MON2: variants seen among roughly 807,000 people sequenced by gnomAD.
MON2 encodes MON2 regulator of endosome-to-Golgi trafficking.
In MON2, 84 loss-of-function variants were observed where a neutral mutation model predicts 208.6. The ratio of observed to expected loss-of-function variants is 0.40; its 90% confidence interval spans 0.34 to 0.48. The LOEUF (loss-of-function observed/expected upper bound fraction) is 0.48. Ranked by LOEUF, MON2 falls within the 20% of genes least tolerant of loss-of-function variation. The pLI, the probability that MON2 is intolerant of heterozygous loss-of-function variation, is 0.59. For synonymous variants in MON2, 660 were observed against 694.0 expected (o/e 0.95, Z 0.77); for missense variants, 1,611 against 2,015.4 (o/e 0.80, Z 3.84).
In MON2 at chr12:62,534,827, A is replaced by T. The variant is rs754608910; in HGVS notation, c.1634-18A>T. 5.1e-6 allele frequency: 8 copies of T among 1,572,268 alleles called. No individual in the cohort carries two copies. Among genetic ancestry groups the T allele is most frequent in the Middle Eastern group, 1.7e-4 (1 of 6,002 alleles). On this transcript the variant is annotated intron_variant, in intron 12 of 34. Coordinates refer to ENST00000393630, the MANE Select transcript of MON2 (RefSeq NM_015026.3). The stretch of plus-strand genomic sequence containing the variant: ...ATCTATAATTAAAATTAAATATTGT[A>T]TGTTTTTTTCCTTTAAGTTAGTAGG...
chr12:62,572,581 G>A (rs568482075), intron 30 of MON2, among the ~76,000 whole-genome samples: 3 of 152,178 alleles, frequency 2.0e-5, no homozygotes, highest in South Asian at 2.1e-4. Flanking sequence ...GAGTAGCTGG[G>A]ACCACAAGTG....
At chr12:62,564,996 T>C (rs2074327058) in intron 26 of MON2, 1 of 352,544 alleles carries the variant, frequency 2.8e-6, no homozygotes. Flanking sequence ...CCTTTTTCTA[T>C]TCTTTTAAGA....
chr12:62,582,753 C>T (rs913500080), intron 32 of MON2, among the ~76,000 whole-genome samples: 1 of 151,142 alleles, frequency 6.6e-6, no homozygotes, highest in Non-Finnish European at 1.5e-5. Flanking sequence ...TTTCCTTAAA[C>T]ATATACATAC....
chr12:62,530,208 T>G (rs1046886508), intron 11 of MON2, among the ~76,000 whole-genome samples: 5 of 151,822 alleles, frequency 3.3e-5, no homozygotes, highest in African/African-American at 1.2e-4. Flanking sequence ...TCCACTTTTT[T>G]AGCTCCCACA....
chr12:62,585,249 A>G (rs1377909191), intron 32 of MON2, 45 bp from the exon 33 acceptor site: 2 of 1,452,762 alleles, frequency 1.4e-6, no homozygotes, highest in Non-Finnish European at 9.6e-7. Flanking sequence ...ATTAAAGCTC[A>G]TTGATTTAAC....
chr12:62,484,315 A>G, intron 2 of MON2, 82 bp downstream of exon 2: 1 of 880,670 alleles, frequency 1.1e-6, no homozygotes, highest in Non-Finnish European at 1.8e-6. Flanking sequence ...AAAAGCCATC[A>G]GTTTTCTGTA....
chr12:62,507,777 A>G (rs1485137126), intron 7 of MON2, among the ~76,000 whole-genome samples: 3 of 152,066 alleles, frequency 2.0e-5, no homozygotes, highest in African/African-American at 7.2e-5. Context: ...GATTATGATT[A>G]TGATTATTTG....
chr12:62,576,855 A>G (rs1290405796), intron 30 of MON2, among the ~76,000 whole-genome samples: 1 of 151,742 alleles, frequency 6.6e-6, no homozygotes, highest in East Asian at 1.9e-4. Context: ...CTGATATATG[A>G]TCCAAATAAT....
chr12:62,595,324 T>C lies in MON2; in HGVS notation c.*2575T>C, dbSNP rs2075504842. 1 of 152,106 alleles carries C rather than the reference T, an allele frequency of 6.6e-6. No individual in the cohort carries two copies. Among genetic ancestry groups the C allele is most frequent in the Non-Finnish European group, 1.5e-5 (1 of 68,020 alleles). 9.4% of individuals were successfully genotyped at this position (152,106 alleles called of 1,614,324 possible). A position where few individuals can be genotyped will look rare whatever the true frequency, so the allele number is the denominator to read the frequency against. On this transcript the variant is annotated 3_prime_UTR_variant, in exon 35 of 35. Transcript: ENST00000393630. ...GCCAGGCTAATTTTTTTAATATTTT[T>C]AGTAGAGATGGGGTTTCACCATTTT... is the stretch of plus-strand genomic sequence containing the variant.
At chr12:62,500,160 A>T (rs1469912164) in intron 5 of MON2, among the ~76,000 whole-genome samples, 1 of 152,212 alleles carries the variant, frequency 6.6e-6, no homozygotes. Flanking sequence ...CTAATCTGCC[A>T]TTTAATACTT....
rs1274376665 is a variant in MON2 at position 62,543,418 on chromosome 12, T to C, written c.2466+220T>C. Among the ~76,000 whole-genome samples the C allele has an allele frequency of 2.0e-5, 3 of 152,154 alleles. No homozygotes were observed. The East Asian group carries it at 5.8e-4, about 29-fold the overall frequency. ...TTTTATTGGCTGAAAATGGGTGACA[T>C]TTTAAAGTGAGAAATATCAGTGAAG... On this transcript the variant is annotated intron_variant, in intron 20 of 34. Coordinates refer to ENST00000393630, the MANE Select transcript of MON2 (RefSeq NM_015026.3).
At chr12:62,545,105 G>A (rs2073424839) in intron 21 of MON2, 97 bp downstream of exon 21, 1 of 717,520 alleles carries the variant, frequency 1.4e-6, no homozygotes, top group African/African-American at 1.8e-5. Context: ...TATTCTAAGA[G>A]TAGGGTTTTT....
At chr12:62,520,392 A>T (rs1181147010) in intron 8 of MON2, among the ~76,000 whole-genome samples, 5 of 151,542 alleles carry the variant, frequency 3.3e-5, no homozygotes, top group African/African-American at 4.9e-5. Context: ...TATTATTGGC[A>T]ACAAACACTG....
chr12:62,566,502 A>T (rs1354020146), intron 29 of MON2, 52 bp downstream of exon 29: 2 of 1,511,568 alleles, frequency 1.3e-6, no homozygotes, highest in East Asian at 4.6e-5. Context: ...ACATTATTGA[A>T]ATTATTCCTT....
At chr12:62,471,949 C>G (rs931727633) in intron 1 of MON2, among the ~76,000 whole-genome samples, 1 of 152,122 alleles carries the variant, frequency 6.6e-6, no homozygotes, top group Non-Finnish European at 1.5e-5. Flanking sequence ...GGTCTGTGGC[C>G]TCTGCTTTCT....
chr12:62,517,836 A>G (rs1401097759), intron 8 of MON2, among the ~76,000 whole-genome samples: 2 of 152,222 alleles, frequency 1.3e-5, no homozygotes, highest in Non-Finnish European at 2.9e-5. Context: ...CTGTTATTTA[A>G]CAATTTATCT....
At chr12:62,534,373 G>A (rs1230733799) in intron 12 of MON2, among the ~76,000 whole-genome samples, 2 of 150,392 alleles carry the variant, frequency 1.3e-5, no homozygotes, top group East Asian at 3.9e-4. Context: ...ACAAAAATTA[G>A]CCAGGTGTGG....
chr12:62,585,542 T>C, intron 33 of MON2, 41 bp downstream of exon 33: 1 of 1,432,784 alleles, frequency 7.0e-7, no homozygotes, highest in South Asian at 1.3e-5. Context: ...TGTATTGTTG[T>C]ACTAATTGTT....
chr12:62,489,894 A>C (rs1232988083), intron 2 of MON2: 1 of 318,888 alleles, frequency 3.1e-6, no homozygotes, highest in African/African-American at 2.2e-5. Context: ...TGAGTATCAA[A>C]ATAATGTCTA....
Sources: allele counts gnomAD v4.1 joint callset (sites outside exome capture counted in the v4.1 genomes callset), GRCh38; gene constraint gnomAD v4.1.1; transcripts MANE v1.5; gene names NCBI Gene and HGNC (gene_info 2026-07-23, HGNC 2026-07-21).